Variants in GPR176 observed in about 807,000 individuals in gnomAD.
GPR176 encodes G protein-coupled receptor 176.
A neutral mutation model predicts 35.4 loss-of-function variants in GPR176; 26 were observed. The observed-to-expected ratio is 0.74, with a 90% confidence interval of 0.54 to 1.02. The LOEUF (loss-of-function observed/expected upper bound fraction) is 1.02. GPR176 is among the 50% of genes least tolerant of loss of function. The probability of loss-of-function intolerance (pLI) is 0.00; values close to 1 mark genes in which losing one functional copy is unlikely to be tolerated. For missense variants in GPR176, 597 were observed against 665.3 expected, an observed-to-expected ratio of 0.90 and a Z score of 1.13; for synonymous variants, 278 against 271.3, an observed-to-expected ratio of 1.02 and a Z score of -0.24.
At chr15:39,864,694 G>A (rs2031753903) in intron 1 of GPR176, among the ~76,000 whole-genome samples, 1 of 151,876 alleles carries the variant, frequency 6.6e-6, no homozygotes, top group Admixed American at 6.6e-5. Context: ...TAGACAAATG[G>A]GACTTAACCC....
chr15:39,854,300 A>G (rs956184609), intron 1 of GPR176, among the ~76,000 whole-genome samples: 3 of 152,144 alleles, frequency 2.0e-5, no homozygotes, highest in African/African-American at 7.2e-5. Flanking sequence ...TCTCTTTCCA[A>G]AGATTAGGCA....
intron 1 of GPR176, among the ~76,000 whole-genome samples, chr15:39,911,157 A>T (rs1264961924): frequency 2.6e-5 from 4 of 152,122 alleles, no homozygotes; most frequent in Non-Finnish European, 5.9e-5. Flanking sequence ...TTTTTTCTGT[A>T]TTTTTTAAAC....
At chr15:39,838,445 G>T (rs929639006) in intron 1 of GPR176, among the ~76,000 whole-genome samples, 9 of 152,096 alleles carry the variant, frequency 5.9e-5, no homozygotes, top group African/African-American at 2.2e-4. Flanking sequence ...TCTAAAGAAA[G>T]AAAACAGTTT....
At chr15:39,814,673 A>G (rs777124465) in intron 1 of GPR176, among the ~76,000 whole-genome samples, 1 of 152,168 alleles carries the variant, frequency 6.6e-6, no homozygotes, top group Non-Finnish European at 1.5e-5. Flanking sequence ...GGTAGGTTAT[A>G]TTGCCTGGCT....
chr15:39,907,720 C>A (rs2033462861), intron 1 of GPR176, among the ~76,000 whole-genome samples: 2 of 152,180 alleles, frequency 1.3e-5, no homozygotes, highest in Non-Finnish European at 2.9e-5. Flanking sequence ...TCGAACAGTG[C>A]CAATATTTCC....
chr15:39,807,121 T>A lies in GPR176; in HGVS notation c.310A>T (p.Ser104Cys). The part of the protein sequence containing the change: ...CVPFDIILST[S>C]PHCCWWIYTM... ...TAGATCCACCAGCAACAGTGAGGAC[T>A]GGTGCTGAGGATGATGTCGAAGGGC... The change falls in exon 2 of 3, where the codon AGT becomes TGT. Residue 104 changes from serine (S) to cysteine (C), a missense_variant. Transcript: ENST00000561100. 1 of 1,612,454 alleles carries A rather than the reference T, an allele frequency of 6.2e-7. No homozygotes were observed. Among genetic ancestry groups the A allele is most frequent in the Non-Finnish European group, 8.5e-7 (1 of 1,179,458 alleles).
intron 1 of GPR176, among the ~76,000 whole-genome samples, chr15:39,827,752 T>A (rs1300961197): frequency 1.3e-5 from 2 of 152,238 alleles, no homozygotes; most frequent in Non-Finnish European, 2.9e-5. Flanking sequence ...ACACAATCAC[T>A]TTTGCACCAA....
intron 1 of GPR176, chr15:39,813,749 T>C (rs1464696089): frequency 6.6e-6 from 1 of 152,176 alleles, no homozygotes; most frequent in East Asian, 1.9e-4. Flanking sequence ...AGTGCCTTCA[T>C]GGTCATGCCC....
chr15:39,877,010 T>C (rs1316557611), intron 1 of GPR176, among the ~76,000 whole-genome samples: 2 of 152,238 alleles, frequency 1.3e-5, no homozygotes, highest in African/African-American at 4.8e-5. Context: ...CCTTCTTTAC[T>C]AGTTCCAGAG....
chr15:39,831,443 G>A (rs900007009), intron 1 of GPR176, among the ~76,000 whole-genome samples: 6 of 152,206 alleles, frequency 3.9e-5, no homozygotes, highest in Admixed American at 2.6e-4. Flanking sequence ...CCCCATGGAT[G>A]CCTCACAGAC....
chr15:39,895,964 T>C (rs561447517), intron 1 of GPR176, among the ~76,000 whole-genome samples: 164 of 152,332 alleles, frequency 1.1e-3, no homozygotes, highest in Non-Finnish European at 2.2e-3. Context: ...CAAGCAAAAC[T>C]CTCTTCCTAG....
chr15:39,897,081 A>T (rs1214918588), intron 1 of GPR176, among the ~76,000 whole-genome samples: 1 of 152,198 alleles, frequency 6.6e-6, no homozygotes, highest in African/African-American at 2.4e-5. Flanking sequence ...GTCATTACCC[A>T]AAGACAGATT....
At chr15:39,919,580 G>A (rs529305422) in intron 1 of GPR176, among the ~76,000 whole-genome samples, 4 of 152,302 alleles carry the variant, frequency 2.6e-5, no homozygotes, top group East Asian at 1.9e-4. Flanking sequence ...GCATTCCGCC[G>A]GGGCCATCTG....
At position 39,886,024 on chromosome 15, in the gene GPR176, G is replaced by A. The variant is rs142210310; in HGVS notation, c.172+33831C>T. Among the ~76,000 whole-genome samples, 55 of 152,182 alleles carry A rather than the reference G, an allele frequency of 3.6e-4. No homozygotes were observed. The East Asian group carries it at 5.4e-3, about 15-fold the overall frequency. ...CAAGGTGGGTGGATCACCTGAGGTC[G>A]GGAGTTTGAGATGAGACTCACCAAC... On this transcript the variant is annotated intron_variant, in intron 1 of 2. Transcript: ENST00000561100.
In GPR176 at chr15:39,869,404, G is replaced by A. The variant is rs139428046; in HGVS notation, c.172+50451C>T. Among the ~76,000 whole-genome samples the A allele has an allele frequency of 3.2e-3, 491 of 152,230 alleles. 4 individuals are homozygous for A. The highest frequency in any genetic ancestry group is 4.7e-3 in the Non-Finnish European group (318 of 68,004). On this transcript the variant is annotated intron_variant, in intron 1 of 2. Coordinates refer to ENST00000561100, the MANE Select transcript of GPR176 (RefSeq NM_007223.3). ...GCAATGGCAAGGTGCTCATGACATC[G>A]CTACCGAGCTGTGGAGAAGAAACAG...
chr15:39,870,083 C>A (rs1470168093), intron 1 of GPR176, among the ~76,000 whole-genome samples: 1 of 152,144 alleles, frequency 6.6e-6, no homozygotes, highest in East Asian at 1.9e-4. Context: ...TGTTTCCTTG[C>A]TGTTCTGCTT....
chr15:39,841,949 C>T (rs529971659), intron 1 of GPR176, among the ~76,000 whole-genome samples: 1 of 152,144 alleles, frequency 6.6e-6, no homozygotes, highest in East Asian at 1.9e-4. Flanking sequence ...AAGATTAAAG[C>T]TCTCAGTAGG....
intron 1 of GPR176, among the ~76,000 whole-genome samples, chr15:39,914,681 T>C (rs1472110634): frequency 1.3e-5 from 2 of 152,196 alleles, no homozygotes; most frequent in African/African-American, 4.8e-5. Flanking sequence ...CATGTAGAAG[T>C]AAGGCTGTTG....
chr15:39,916,426 T>G (rs1436119538), intron 1 of GPR176, among the ~76,000 whole-genome samples: 1 of 152,220 alleles, frequency 6.6e-6, no homozygotes, highest in Non-Finnish European at 1.5e-5. Context: ...ACAAGCCTTG[T>G]GTTCATTTTC....
Sources: gnomAD v4.1 joint callset for allele counts (sites outside exome capture counted in the v4.1 genomes callset) on GRCh38, gnomAD v4.1.1 for gene constraint, MANE v1.5 for transcripts, NCBI Gene and HGNC (gene_info 2026-07-23, HGNC 2026-07-21) for gene names.